The following FBLN7 variants were observed in gnomAD, a reference collection of about 807,000 sequenced individuals.
FBLN7 encodes the protein fibulin 7.
Under a neutral mutation model 44.0 loss-of-function variants are expected in FBLN7, and 31 were observed. The observed-to-expected ratio is 0.70, with a 90% CI of 0.53 to 0.95. The LOEUF (loss-of-function observed/expected upper bound fraction) is 0.95, where lower values mean the gene tolerates loss of function less well. Ranked by LOEUF, FBLN7 falls within the 40% of genes least tolerant of loss-of-function variation. The pLI, the probability that FBLN7 is intolerant of heterozygous loss-of-function variation, is 0.00. For missense variants in FBLN7, 573 were observed against 618.5 expected (o/e 0.93, Z 0.78); for synonymous variants, 262 against 253.4 (o/e 1.03, Z -0.32).
At chr2:112,164,717 C>G (rs1682051615) in intron 2 of FBLN7, among the ~76,000 whole-genome samples, 1 of 152,218 alleles carries the variant, frequency 6.6e-6, no homozygotes, top group South Asian at 2.1e-4. Flanking sequence ...TGAAGCGGAT[C>G]ATTGCAGGGT....
the FBLN7 span, among the ~76,000 whole-genome samples, chr2:112,204,517 G>A: frequency 6.6e-6 from 1 of 152,022 alleles, no homozygotes; most frequent in East Asian, 1.9e-4. Flanking sequence ...GACCCATCAT[G>A]GTCAAACTGT....
the FBLN7 span, chr2:112,234,320 A>C: frequency 1.9e-6 from 2 of 1,072,290 alleles, no homozygotes; most frequent in African/African-American, 3.3e-5. Context: ...ATTTAAACCA[A>C]CTTCAGAGCC....
chr2:112,149,012 A>C (rs1315287375), intron 1 of FBLN7, among the ~76,000 whole-genome samples: 5 of 152,218 alleles, frequency 3.3e-5, no homozygotes, highest in Non-Finnish European at 7.3e-5. Flanking sequence ...CAAATCCTCC[A>C]TCATAGTGAC....
chr2:112,166,153 C>G (rs147721059), intron 3 of FBLN7, among the ~76,000 whole-genome samples: 77 of 152,326 alleles, frequency 5.1e-4, no homozygotes, highest in African/African-American at 1.8e-3. Flanking sequence ...CGGGTTCCAG[C>G]GATTCTCCTG....
intron 1 of FBLN7, among the ~76,000 whole-genome samples, chr2:112,151,031 C>T (rs1419212405): frequency 1.3e-5 from 2 of 152,158 alleles, no homozygotes; most frequent in Non-Finnish European, 2.9e-5. Context: ...GGAAAGACAA[C>T]TCTAGAGGAC....
the FBLN7 span, among the ~76,000 whole-genome samples, chr2:112,226,279 G>A: frequency 6.6e-6 from 1 of 151,340 alleles, no homozygotes; most frequent in African/African-American, 2.4e-5. Context: ...AATTGAATCT[G>A]TTATGTAAAA....
At chr2:112,149,970 G>A (rs1379687023) in intron 1 of FBLN7, among the ~76,000 whole-genome samples, 3 of 152,212 alleles carry the variant, frequency 2.0e-5, no homozygotes, top group Non-Finnish European at 4.4e-5. Context: ...GGGGCTGGGT[G>A]CCTAAGTACT....
At chr2:112,171,431 T>C (rs1024823311) in intron 3 of FBLN7, among the ~76,000 whole-genome samples, 2 of 151,750 alleles carry the variant, frequency 1.3e-5, no homozygotes, top group Non-Finnish European at 2.9e-5. Flanking sequence ...GGAAGGGCAT[T>C]TTGCAGTGAG....
Position 112,185,194 on chromosome 2 carries a change from A to G in FBLN7, c.809-7A>G, listed in dbSNP as rs1403782383. On this transcript the variant is annotated splice_region_variant and splice_polypyrimidine_tract_variant and intron_variant, in intron 6 of 7. Coordinates refer to ENST00000331203, the MANE Select transcript of FBLN7 (RefSeq NM_153214.3). ...GATTCTCACCTGTTGTATGTCCTGT[A>G]TCTCAGATGTGGATGAATGTGTGGG... The G allele has an allele frequency of 1.2e-6, 2 of 1,612,410 alleles. No homozygotes were observed. Among genetic ancestry groups the G allele is most frequent in the Non-Finnish European group, 8.5e-7 (1 of 1,178,668 alleles).
chr2:112,201,620 G>C, the FBLN7 span, among the ~76,000 whole-genome samples: 1 of 152,146 alleles, frequency 6.6e-6, no homozygotes, highest in South Asian at 2.1e-4. Context: ...AGCCAGGGGA[G>C]GTTGGGCAGG....
chr2:112,209,103 G>A, the FBLN7 span, among the ~76,000 whole-genome samples: 1 of 152,174 alleles, frequency 6.6e-6, no homozygotes, highest in East Asian at 1.9e-4. Flanking sequence ...AAATCATAAT[G>A]TAGGCATGAC....
At position 112,159,818 on chromosome 2, in the gene FBLN7, G is replaced by GACCA; in HGVS notation, c.218_219insACCA (p.Asp75ProfsTer62). ...CTGCAGAACTCTGTGGGCAGGGTGG[G>GACCA]CCCAGATGCCCTTCCAGGTGGGTCC... is the stretch of plus-strand genomic sequence containing the variant. On this transcript the variant is annotated frameshift_variant, in exon 2 of 8. Coordinates refer to ENST00000331203, the MANE Select transcript of FBLN7 (RefSeq NM_153214.3). LOFTEE classifies it high-confidence loss of function. 1 of 1,560,908 alleles carries GACCA rather than the reference G, an allele frequency of 6.4e-7. No homozygotes were observed. The highest frequency in any genetic ancestry group is 1.9e-5 in the Admixed American group (1 of 51,468).
In FBLN7 at chr2:112,187,735, C is replaced by T. The variant is rs1683344234; in HGVS notation, c.*229C>T. On this transcript the variant is annotated 3_prime_UTR_variant, in exon 8 of 8. Transcript: ENST00000331203. The surrounding 1 kb of genome is among the most constrained non-coding windows in gnomAD (Gnocchi z 5.1). ...TTTTTTTTTCTGCTTTGAGGCCCTT[C>T]CCTTAGATTATGCACTAACTTTCTT... The T allele has an allele frequency of 1.7e-6, 1 of 579,520 alleles. No homozygotes were observed. 35.9% of individuals were successfully genotyped at this position (579,520 alleles called of 1,614,324 possible).
intron 1 of FBLN7, among the ~76,000 whole-genome samples, chr2:112,156,107 G>T (rs757177879): frequency 6.6e-6 from 1 of 152,186 alleles, no homozygotes; most frequent in Non-Finnish European, 1.5e-5. Context: ...CACGCTTCCT[G>T]CCCCCGCTGC....
In FBLN7 at chr2:112,138,491, G is replaced by T. The variant is rs1399535376; in HGVS notation, c.-165G>T. 11 of 828,582 alleles carry T rather than the reference G, an allele frequency of 1.3e-5. No homozygotes were observed. The highest frequency in any genetic ancestry group is 3.7e-5 in the South Asian group (1 of 26,854). 51.3% of individuals were successfully genotyped at this position (828,582 alleles called of 1,614,324 possible). On this transcript the variant is annotated 5_prime_UTR_variant, in exon 1 of 8. Coordinates refer to ENST00000331203, the MANE Select transcript of FBLN7 (RefSeq NM_153214.3). ...GGCCCGGGCGGCGCCGATCCCCGCG[G>T]GACGCGCTGCGCTCGGGGCCTCCCG...
At chr2:112,161,033 G>A (rs989186399) in intron 2 of FBLN7, among the ~76,000 whole-genome samples, 3 of 152,174 alleles carry the variant, frequency 2.0e-5, no homozygotes, top group African/African-American at 4.8e-5. Context: ...GGCTACAGCC[G>A]ACACCCCAGA....
chr2:112,239,088 T>G, the FBLN7 span, among the ~76,000 whole-genome samples: 5 of 152,230 alleles, frequency 3.3e-5, no homozygotes, highest in Non-Finnish European at 7.3e-5. Flanking sequence ...AGAACTACCC[T>G]ATTCTCTGTA....
At chr2:112,243,296 T>C in the FBLN7 span, among the ~76,000 whole-genome samples, 16 of 152,352 alleles carry the variant, frequency 1.1e-4, no homozygotes, top group South Asian at 3.3e-3. Flanking sequence ...TAACCTTTGA[T>C]TGGCAGTGAC....
the FBLN7 span, among the ~76,000 whole-genome samples, chr2:112,193,365 A>C: frequency 6.6e-6 from 1 of 152,198 alleles, no homozygotes; most frequent in South Asian, 2.1e-4. Flanking sequence ...ACTTGAACTC[A>C]GGAGGTGGAG....
Sources: allele counts gnomAD v4.1 joint callset (sites outside exome capture counted in the v4.1 genomes callset), GRCh38; gene constraint gnomAD v4.1.1; non-coding constraint Gnocchi (gnomAD v3.1); transcripts MANE v1.5; gene names NCBI Gene and HGNC (gene_info 2026-07-23, HGNC 2026-07-21).